The following ATP13A4 variants were observed in gnomAD, a reference collection of about 807,000 sequenced individuals.
ATP13A4 encodes probable cation-transporting ATPase 13A4.
Under a neutral mutation model 142.5 loss-of-function variants are expected in ATP13A4, and 114 were observed. The observed-to-expected ratio is 0.80, with a 90% CI of 0.69 to 0.93. ATP13A4 has a LOEUF of 0.93. Among genes scored for constraint, ATP13A4 ranks in the 40% least tolerant of loss-of-function variants. The probability of loss-of-function intolerance (pLI) is 0.00; values close to 1 mark genes in which losing one functional copy is unlikely to be tolerated. For missense variants in ATP13A4, 1,392 were observed against 1,454.0 expected (o/e 0.96, Z 0.69); for synonymous variants, 488 against 514.8 (o/e 0.95, Z 0.70).
intron 25 of ATP13A4, among the ~76,000 whole-genome samples, chr3:193,415,354 A>C (rs1266788921): frequency 6.6e-6 from 1 of 152,234 alleles, no homozygotes; most frequent in African/African-American, 2.4e-5. Flanking sequence ...GAAATATCAA[A>C]ATACAAGCAG....
At chr3:193,414,910 G>A (rs1714976544) in intron 25 of ATP13A4, among the ~76,000 whole-genome samples, 160 bp from the exon 26 acceptor site, 1 of 152,110 alleles carries the variant, frequency 6.6e-6, no homozygotes, top group Admixed American at 6.5e-5. Context: ...TCAAATTCAA[G>A]TCATGTAAAG....
intron 1 of ATP13A4, among the ~76,000 whole-genome samples, chr3:193,531,881 T>G (rs74621591): frequency 0.028 from 4,195 of 152,234 alleles, 58 homozygotes; most frequent in East Asian, 0.032. Flanking sequence ...CCACATAAAC[T>G]AAGCCCTGAA....
chr3:193,553,014 G>A (rs1263256472), intron 1 of ATP13A4, among the ~76,000 whole-genome samples: 1 of 152,232 alleles, frequency 6.6e-6, no homozygotes, highest in Non-Finnish European at 1.5e-5. Flanking sequence ...CACAGTGTCA[G>A]ACACAGCAAC....
chr3:193,419,871 G>T (rs896463902), intron 25 of ATP13A4, among the ~76,000 whole-genome samples: 1 of 150,188 alleles, frequency 6.7e-6, no homozygotes, highest in African/African-American at 2.5e-5. Flanking sequence ...GGGCCCAAGT[G>T]ATAGCTGTGC....
intron 7 of ATP13A4, among the ~76,000 whole-genome samples, chr3:193,486,907 A>G (rs924405160): frequency 2.6e-5 from 4 of 152,240 alleles, no homozygotes; most frequent in African/African-American, 9.6e-5. Context: ...CTTACATAAG[A>G]AAAAAAGAAA....
At chr3:193,589,180 A>ATGTG (rs748201347) in intron 1 of ATP13A4, among the ~76,000 whole-genome samples, 16 of 151,228 alleles carry the variant, frequency 1.1e-4, no homozygotes, top group African/African-American at 3.9e-4. Flanking sequence ...ATATATATAT[A>ATGTG]TGTGTGTGTG....
rs759854337 is a variant in ATP13A4, at chr3:193,459,020, T to C, written c.1674+61A>G. On this transcript the variant is annotated intron_variant, in intron 14 of 29. Transcript: ENST00000342695. ...TTATAAGAATTAGATAGCTCTGATA[T>C]TGCCTATGTTGCTCTGGCATTGAAG... The C allele has an allele frequency of 5.0e-6, 8 of 1,594,588 alleles. No homozygotes were observed. In the South Asian group the frequency reaches 6.6e-5, roughly 13 times the overall value.
intron 1 of ATP13A4, among the ~76,000 whole-genome samples, chr3:193,589,180 ATGTG>A (rs748201347): frequency 1.0e-3 from 154 of 151,342 alleles, no homozygotes; most frequent in Non-Finnish European, 1.9e-3. Flanking sequence ...ATATATATAT[ATGTG>A]TGTGTGTGTG....
chr3:193,507,395 C>A (rs1720915018), intron 2 of ATP13A4, among the ~76,000 whole-genome samples: 1 of 152,092 alleles, frequency 6.6e-6, no homozygotes, highest in Non-Finnish European at 1.5e-5. Flanking sequence ...ATCCCGACCT[C>A]ATATTCCCAA....
chr3:193,410,538 C>T (rs557491714), intron 28 of ATP13A4, among the ~76,000 whole-genome samples: 1 of 152,054 alleles, frequency 6.6e-6, no homozygotes, highest in East Asian at 1.9e-4. Context: ...CATAGCAAGC[C>T]CTCATCTCTA....
chr3:193,548,781 A>C (rs1723369105), intron 1 of ATP13A4, among the ~76,000 whole-genome samples: 1 of 152,178 alleles, frequency 6.6e-6, no homozygotes, highest in Admixed American at 6.5e-5. Context: ...CAATGTGGTA[A>C]CGACCACACA....
intron 1 of ATP13A4, among the ~76,000 whole-genome samples, chr3:193,531,637 G>A (rs192590378): frequency 1.8e-4 from 27 of 152,254 alleles, no homozygotes; most frequent in Non-Finnish European, 3.5e-4. Context: ...CAATTGACAT[G>A]GTTTGGCTAT....
At chr3:193,460,519 G>T (rs57082775) in intron 13 of ATP13A4, among the ~76,000 whole-genome samples, 2,127 of 152,162 alleles carry the variant, frequency 0.014, 57 homozygotes, top group African/African-American at 0.048. Context: ...GACCCTGTTA[G>T]TTATACTTAT....
intron 2 of ATP13A4, among the ~76,000 whole-genome samples, chr3:193,505,039 T>C (rs779955245): frequency 1.6e-4 from 25 of 152,278 alleles, no homozygotes; most frequent in Non-Finnish European, 3.2e-4. Context: ...CCAGCAAGGC[T>C]AAGAATTGCT....
intron 17 of ATP13A4, 77 bp downstream of exon 17, chr3:193,454,024 T>C: frequency 7.9e-7 from 1 of 1,258,172 alleles, no homozygotes; most frequent in Non-Finnish European, 1.2e-6. Flanking sequence ...TCCATCCCAG[T>C]CTAATGCACT....
At chr3:193,476,101 G>A (rs570771859) in intron 8 of ATP13A4, among the ~76,000 whole-genome samples, 5 of 152,020 alleles carry the variant, frequency 3.3e-5, no homozygotes, top group African/African-American at 1.2e-4. Context: ...TGAATTGGAA[G>A]TTATGAGGTC....
chr3:193,414,566 A>G lies in ATP13A4; in HGVS notation c.3014+13T>C. The G allele has an allele frequency of 1.2e-6, 2 of 1,612,962 alleles. No individual in the cohort carries two copies. Among genetic ancestry groups the G allele is most frequent in the Non-Finnish European group, 1.7e-6 (2 of 1,179,050 alleles). ...TAGAATGTGAGAAGCAGAAGCTGAG[A>G]CTATACTCATACCTGTGTATCTCCA... On this transcript the variant is annotated intron_variant, in intron 26 of 29. Transcript: ENST00000342695.
rs879050816 is a variant in ATP13A4 at position 193,448,086 on chromosome 3, C to T, written c.2152+120G>A. 2.4e-4 allele frequency: 328 copies of T among 1,388,878 alleles called. 1 individual carries two copies. The highest frequency in any genetic ancestry group is 1.3e-3 in the South Asian group (104 of 81,012). The allele number at this position is 1,388,878 out of a possible 1,614,324, so 86.0% of individuals were successfully genotyped here. On this transcript the variant is annotated intron_variant, in intron 18 of 29. Transcript: ENST00000342695. ...AAATGTGCCTTTTTGTTGCCCATCT[C>T]CAGCACCTGGAATGATGTCTGGCCC...
intron 12 of ATP13A4, among the ~76,000 whole-genome samples, chr3:193,463,832 G>A (rs1205369753): frequency 1.3e-5 from 2 of 152,170 alleles, no homozygotes; most frequent in Non-Finnish European, 2.9e-5. Context: ...CAAGAGTCAT[G>A]TTGACTTTCT....
Sources: gnomAD v4.1 joint callset for allele counts (sites outside exome capture counted in the v4.1 genomes callset) on GRCh38, gnomAD v4.1.1 for gene constraint, MANE v1.5 for transcripts, NCBI Gene and HGNC (gene_info 2026-07-23, HGNC 2026-07-21) for gene names.